The following ACVR1 variants were observed in gnomAD, a reference collection of about 807,000 sequenced individuals.
ACVR1 encodes activin A receptor type 1, also known as activin receptor type-1.
In ACVR1, 38 loss-of-function variants were observed where a neutral mutation model predicts 57.1. The observed-to-expected ratio is 0.67, with a 90% CI of 0.51 to 0.87. The LOEUF (loss-of-function observed/expected upper bound fraction) is 0.87, where lower values mean the gene tolerates loss of function less well. Ranked by LOEUF, ACVR1 falls within the 40% of genes least tolerant of loss-of-function variation. The probability of loss-of-function intolerance (pLI) is 0.00; values close to 1 mark genes in which losing one functional copy is unlikely to be tolerated. For synonymous variants in ACVR1, 212 were observed against 228.1 expected (o/e 0.93, Z 0.63); for missense variants, 463 against 638.2 (o/e 0.73, Z 2.96).
At chr2:157,808,892 A>C (rs75004187) in intron 2 of ACVR1, among the ~76,000 whole-genome samples, 2,061 of 151,906 alleles carry the variant, frequency 0.014, 48 homozygotes, top group African/African-American at 0.046. Flanking sequence ...AAAAAAAAAA[A>C]AAAACAGAAA....
intron 1 of ACVR1, among the ~76,000 whole-genome samples, chr2:157,822,841 C>A (rs1214091670): frequency 6.6e-6 from 1 of 152,092 alleles, no homozygotes; most frequent in Non-Finnish European, 1.5e-5. Context: ...ACTACCTGGC[C>A]CTTTAGAAAG....
In ACVR1 at chr2:157,799,437, A is replaced by G. The variant is rs769630552; in HGVS notation, c.57T>C (p.Pro19=). The change falls in exon 3 of 11, where the codon CCT becomes CCC. Residue 19 remains proline, a synonymous_variant. Transcript: ENST00000434821. ...PVLIMIALPS[P]SMEDEKPKVN... ...ATGTGAGTCACTTACCTTCCATACT[A>G]GGGGAGGGGAGAGCAATCATGATAA... The G allele has an allele frequency of 8.1e-6, 13 of 1,611,166 alleles. No homozygotes were observed. The Middle Eastern group carries it at 8.2e-4, about 102-fold the overall frequency.
chr2:157,821,199 C>T (rs1426623833), intron 1 of ACVR1, among the ~76,000 whole-genome samples: 2 of 152,104 alleles, frequency 1.3e-5, no homozygotes, highest in Non-Finnish European at 2.9e-5. Context: ...ATATAAAAAC[C>T]AACTCCCCAA....
At chr2:157,806,637 G>A (rs1574088362) in intron 2 of ACVR1, 1 of 152,146 alleles carries the variant, frequency 6.6e-6, no homozygotes, top group Non-Finnish European at 1.5e-5. Context: ...CTAACCCAAA[G>A]GCAGCTTGTG....
intron 7 of ACVR1, among the ~76,000 whole-genome samples, chr2:157,766,690 A>C (rs953966675): frequency 6.6e-6 from 1 of 152,222 alleles, no homozygotes; most frequent in Non-Finnish European, 1.5e-5. Flanking sequence ...AAAGGGGGCA[A>C]GTTTACATTA....
chr2:157,802,898 A>T (rs1687378755), intron 2 of ACVR1, among the ~76,000 whole-genome samples: 1 of 152,194 alleles, frequency 6.6e-6, no homozygotes, highest in Admixed American at 6.5e-5. Flanking sequence ...TAACAGTTTA[A>T]TTAGAATTTT....
intron 9 of ACVR1, among the ~76,000 whole-genome samples, chr2:157,757,850 C>T (rs2105247304): frequency 6.6e-6 from 1 of 151,232 alleles, no homozygotes; most frequent in East Asian, 1.9e-4. Context: ...AGAAAAAATT[C>T]AAATTTAAGG....
intron 1 of ACVR1, among the ~76,000 whole-genome samples, chr2:157,870,773 C>T (rs1690092428): frequency 6.6e-6 from 1 of 152,238 alleles, no homozygotes; most frequent in Admixed American, 6.5e-5. Context: ...GAAAAGAACA[C>T]AATAAATGTT....
At chr2:157,737,747 A>C in intron 10 of ACVR1, 82 bp from the exon 11 acceptor site, 1 of 1,558,962 alleles carries the variant, frequency 6.4e-7, no homozygotes, top group Non-Finnish European at 8.8e-7. Flanking sequence ...CATGTCTACT[A>C]TTCTGAAGAA....
intron 2 of ACVR1, among the ~76,000 whole-genome samples, chr2:157,802,280 T>C (rs1687352848): frequency 6.6e-6 from 1 of 152,276 alleles, no homozygotes; most frequent in African/African-American, 2.4e-5. Flanking sequence ...GAGGTGCCTG[T>C]GGCCAGAGCA....
intron 5 of ACVR1, among the ~76,000 whole-genome samples, chr2:157,775,003 A>C (rs1686226090): frequency 6.6e-6 from 1 of 152,184 alleles, no homozygotes; most frequent in Non-Finnish European, 1.5e-5. Context: ...AAGGAACTCT[A>C]ATTAGGAACA....
intron 7 of ACVR1, among the ~76,000 whole-genome samples, chr2:157,767,487 A>G (rs1685910027): frequency 6.6e-6 from 1 of 152,150 alleles, no homozygotes; most frequent in African/African-American, 2.4e-5. Flanking sequence ...TCTCACATAT[A>G]TGAACCACGC....
At chr2:157,783,047 A>G (rs16842077) in intron 3 of ACVR1, among the ~76,000 whole-genome samples, 2,356 of 152,290 alleles carry the variant, frequency 0.015, 78 homozygotes, top group African/African-American at 0.054. Flanking sequence ...GCTGCTAAGA[A>G]TAACAATAAA....
At chr2:157,759,159 A>T (rs1396260009) in intron 9 of ACVR1, among the ~76,000 whole-genome samples, 4 of 152,068 alleles carry the variant, frequency 2.6e-5, no homozygotes, top group Non-Finnish European at 5.9e-5. Flanking sequence ...AACAAAATAG[A>T]GACCAAAAAG....
intron 1 of ACVR1, among the ~76,000 whole-genome samples, chr2:157,825,967 C>T (rs1213559024): frequency 7.2e-5 from 11 of 152,196 alleles, no homozygotes; most frequent in Admixed American, 7.2e-4. Flanking sequence ...CGTGTGTACA[C>T]CCCATTGCAG....
rs12694936 is a variant in ACVR1, at chr2:157,792,697, A to T, written c.67+6730T>A. ...AGACAAGGTTTCTTTCTGTCTTTTC[A>T]AGTGAAATAAAACTGAATAAAATTT... On this transcript the variant is annotated intron_variant, in intron 3 of 10. Coordinates refer to ENST00000434821, the MANE Select transcript of ACVR1 (RefSeq NM_001111067.4). Among the ~76,000 whole-genome samples, 412 of 152,346 alleles carry T rather than the reference A, an allele frequency of 2.7e-3. 2 individuals are homozygous for T. Among genetic ancestry groups the T allele is most frequent in the African/African-American group, 9.3e-3 (388 of 41,580 alleles).
intron 1 of ACVR1, among the ~76,000 whole-genome samples, chr2:157,844,431 T>A (rs556438089): frequency 1.3e-5 from 2 of 152,116 alleles, no homozygotes; most frequent in African/African-American, 4.8e-5. Context: ...GCCTACTCAC[T>A]TAAGGTTCCA....
chr2:157,737,639 C>T lies in ACVR1; in HGVS notation c.1422G>A (p.Met474Ile). 4 of 1,614,132 alleles carry T rather than the reference C, an allele frequency of 2.5e-6. No individual in the cohort carries two copies. The highest frequency in any genetic ancestry group is 3.4e-6 in the Non-Finnish European group (4 of 1,179,988). The change falls in exon 11 of 11, where the codon ATG becomes ATA. Residue 474 changes from methionine (M) to isoleucine (I), a missense_variant. Transcript: ENST00000434821. ...DPTLTSLAKL[M>I]KECWYQNPSA... ...ATGGATTTTGATACCAGCATTCTTT[C>T]ATTAGCTTGGCCAGAGAGGTTAATG... is the stretch of plus-strand genomic sequence containing the variant.
At chr2:157,844,845 A>T (rs1238956709) in intron 1 of ACVR1, among the ~76,000 whole-genome samples, 1 of 151,706 alleles carries the variant, frequency 6.6e-6, no homozygotes, top group Non-Finnish European at 1.5e-5. Context: ...ATGCTCTTAT[A>T]AAAAAAGAGC....
Sources: allele counts gnomAD v4.1 joint callset (sites outside exome capture counted in the v4.1 genomes callset), GRCh38; gene constraint gnomAD v4.1.1; transcripts MANE v1.5; gene names NCBI Gene and HGNC (gene_info 2026-07-23, HGNC 2026-07-21).